The following POU6F2 variants were observed in gnomAD, a reference collection of about 807,000 sequenced individuals.
The protein encoded by POU6F2 is POU domain, class 6, transcription factor 2.
A neutral mutation model predicts 71.3 loss-of-function variants in POU6F2; 31 were observed. The observed-to-expected ratio is 0.43, with a 90% CI of 0.33 to 0.59. POU6F2 has a LOEUF of 0.59. Ranked by LOEUF, POU6F2 falls within the 20% of genes least tolerant of loss-of-function variation. The probability of loss-of-function intolerance (pLI) is 0.04; values close to 1 mark genes in which losing one functional copy is unlikely to be tolerated. For missense variants in POU6F2, 783 were observed against 856.8 expected (o/e 0.91, Z 1.07); for synonymous variants, 347 against 355.7 (o/e 0.98, Z 0.27).
At chr7:39,429,941 C>T (rs989158830) in intron 6 of POU6F2, among the ~76,000 whole-genome samples, 4 of 152,230 alleles carry the variant, frequency 2.6e-5, no homozygotes, top group Non-Finnish European at 4.4e-5. Flanking sequence ...GACAACTTCT[C>T]ATGAGTACAG....
At chr7:39,353,984 C>G (rs186937174) in intron 5 of POU6F2, among the ~76,000 whole-genome samples, 7 of 152,194 alleles carry the variant, frequency 4.6e-5, no homozygotes, top group African/African-American at 1.2e-4. Flanking sequence ...GGCCCAGGCC[C>G]GGGAAAGGAA....
At chr7:39,304,523 A>C (rs1166765033) in intron 4 of POU6F2, among the ~76,000 whole-genome samples, 2 of 138,898 alleles carry the variant, frequency 1.4e-5, no homozygotes, top group Non-Finnish European at 3.1e-5. Flanking sequence ...TCTGTAAAAC[A>C]AAGCCAATTT....
intron 1 of POU6F2, among the ~76,000 whole-genome samples, chr7:39,000,157 G>C (rs998394158): frequency 6.6e-6 from 1 of 152,092 alleles, no homozygotes. Flanking sequence ...GGAGTTAAAT[G>C]CTTCTCCTCT....
At chr7:39,011,833 A>G (rs1402156807) in intron 1 of POU6F2, among the ~76,000 whole-genome samples, 1 of 148,960 alleles carries the variant, frequency 6.7e-6, no homozygotes, top group Non-Finnish European at 1.5e-5. Context: ...CTTTTCTTTA[A>G]GAATGTTGAA....
chr7:39,211,745 A>G (rs1432309735), intron 4 of POU6F2, among the ~76,000 whole-genome samples: 1 of 152,198 alleles, frequency 6.6e-6, no homozygotes, highest in Non-Finnish European at 1.5e-5. Context: ...AGCATCCAGC[A>G]AACCACAAGG....
chr7:39,018,120 C>G (rs1316751402), intron 1 of POU6F2, among the ~76,000 whole-genome samples: 2 of 152,018 alleles, frequency 1.3e-5, no homozygotes, highest in African/African-American at 4.8e-5. Flanking sequence ...CTTTTAGTTG[C>G]AAATGACAGA....
At chr7:39,405,148 G>T (rs529211049) in intron 5 of POU6F2, 1 of 152,262 alleles carries the variant, frequency 6.6e-6, no homozygotes, top group South Asian at 2.1e-4. Context: ...GTGAAATTTA[G>T]TTATAAATGA....
At chr7:39,370,009 G>A (rs191543807) in intron 5 of POU6F2, among the ~76,000 whole-genome samples, 202 of 152,284 alleles carry the variant, frequency 1.3e-3, no homozygotes, top group Non-Finnish European at 2.2e-3. Flanking sequence ...ACATAATGCT[G>A]TTGAACACTT....
At chr7:39,220,928 G>C (rs1198511848) in intron 4 of POU6F2, among the ~76,000 whole-genome samples, 2 of 151,862 alleles carry the variant, frequency 1.3e-5, no homozygotes, top group Non-Finnish European at 2.9e-5. Context: ...ACTGAGATAT[G>C]CTGTAAGTGT....
At chr7:39,105,625 G>C (rs1049485863) in intron 2 of POU6F2, among the ~76,000 whole-genome samples, 4 of 152,086 alleles carry the variant, frequency 2.6e-5, no homozygotes, top group African/African-American at 9.7e-5. Context: ...TGATTAAAGT[G>C]GGGGGTGGTG....
intron 6 of POU6F2, among the ~76,000 whole-genome samples, chr7:39,412,976 T>C (rs1392227159): frequency 6.6e-6 from 1 of 150,938 alleles, no homozygotes; most frequent in African/African-American, 2.4e-5. Context: ...AATTTTTTTT[T>C]GTATTTTTTA....
At chr7:39,213,925 T>A (rs1489329287) in intron 4 of POU6F2, among the ~76,000 whole-genome samples, 1 of 152,186 alleles carries the variant, frequency 6.6e-6, no homozygotes, top group African/African-American at 2.4e-5. Flanking sequence ...CTTGGCCACA[T>A]CTGATGAGGA....
In POU6F2 at chr7:39,347,959, AT is replaced by A. The variant is rs375605997; in HGVS notation, c.972+7951del. 1.4e-3 allele frequency among the ~76,000 whole-genome samples: 206 copies of A among 143,686 alleles called. 21 individuals carry two copies. Among genetic ancestry groups the A allele is most frequent in the African/African-American group, 4.8e-3 (194 of 40,216 alleles). The allele number at this position is 143,686 out of a possible 152,430, so 94.3% of individuals were successfully genotyped here. ...TCAATATTATTATTAAGAATGAAGAATTTTTTTATTATACTTGATATAGGAT... is the reference window on the plus strand; with the variant it reads ...TCAATATTATTATTAAGAATGAAGAATTTTTTATTATACTTGATATAGGAT... On this transcript the variant is annotated intron_variant, in intron 5 of 9. Transcript: ENST00000518318.
At chr7:39,277,673 C>T (rs111468023) in intron 4 of POU6F2, among the ~76,000 whole-genome samples, 73,718 of 138,566 alleles carry the variant, frequency 0.53, 19,265 homozygotes, top group East Asian at 0.71. Flanking sequence ...CTTTGGTTAA[C>T]TTTCCCTTAA....
At chr7:39,172,821 A>G (rs1455320829) in intron 2 of POU6F2, among the ~76,000 whole-genome samples, 1 of 151,902 alleles carries the variant, frequency 6.6e-6, no homozygotes, top group African/African-American at 2.4e-5. Context: ...GGGTTTCTCC[A>G]TGTTGCCCAG....
chr7:39,314,481 G>C (rs1353916459), intron 4 of POU6F2, among the ~76,000 whole-genome samples: 1 of 152,196 alleles, frequency 6.6e-6, no homozygotes, highest in Non-Finnish European at 1.5e-5. Context: ...AGGGCATTTT[G>C]ATGAGAGGGC....
rs142543676 is a variant in POU6F2 at position 39,079,743 on chromosome 7, G to C, written c.106-6117G>C. Among the ~76,000 whole-genome samples, 148 of 152,290 alleles carry C rather than the reference G, an allele frequency of 9.7e-4. 1 individual carries two copies. The highest frequency in any genetic ancestry group is 1.6e-3 in the Non-Finnish European group (111 of 68,020). On this transcript the variant is annotated intron_variant, in intron 1 of 9. Transcript: ENST00000518318. ...TAACTGCAAAATGGAGAGACACAGA[G>C]AAAGAGATAGCAGTTGGGAATGTTG...
chr7:39,293,534 C>T (rs1032597985), intron 4 of POU6F2, among the ~76,000 whole-genome samples: 2 of 152,116 alleles, frequency 1.3e-5, no homozygotes, highest in South Asian at 2.1e-4. Flanking sequence ...GCTTTCCTTT[C>T]GGATCTACCT....
intron 5 of POU6F2, among the ~76,000 whole-genome samples, chr7:39,364,687 T>C (rs924545678): frequency 2.6e-5 from 4 of 152,216 alleles, no homozygotes; most frequent in Admixed American, 2.0e-4. Context: ...TTTGGGGTGG[T>C]TCCACGTTTA....
Sources: gnomAD v4.1 joint callset for allele counts (sites outside exome capture counted in the v4.1 genomes callset) on GRCh38, gnomAD v4.1.1 for gene constraint, MANE v1.5 for transcripts, NCBI Gene and HGNC (gene_info 2026-07-23, HGNC 2026-07-21) for gene names.